The following MAGI1 variants were observed in gnomAD, a reference collection of about 807,000 sequenced individuals.
MAGI1 encodes membrane associated guanylate kinase, WW and PDZ domain containing 1, also known as membrane-associated guanylate kinase, WW and PDZ domain-containing protein 1.
A neutral mutation model predicts 139.9 loss-of-function variants in MAGI1; 58 were observed. The observed-to-expected ratio is 0.41, with a 90% confidence interval of 0.34 to 0.52. The LOEUF is 0.52. Ranked by LOEUF, MAGI1 falls within the 20% of genes least tolerant of loss-of-function variation. The pLI is 0.12. For synonymous variants in MAGI1, 812 were observed against 737.9 expected (o/e 1.10, Z -1.63); for missense variants, 1,874 against 1,901.6 (o/e 0.99, Z 0.27).
chr3:65,935,466 G>A (rs190056833), intron 1 of MAGI1, among the ~76,000 whole-genome samples: 27 of 152,190 alleles, frequency 1.8e-4, no homozygotes, highest in Non-Finnish European at 3.5e-4. Flanking sequence ...CAAAAAAAAT[G>A]TTTTAATTAG....
chr3:65,947,306 G>A (rs1483839859), intron 1 of MAGI1, among the ~76,000 whole-genome samples: 1 of 151,972 alleles, frequency 6.6e-6, no homozygotes. Flanking sequence ...TAGTAATTCT[G>A]GGATTAGAAT....
At chr3:65,537,878 G>A (rs1362589124) in intron 2 of MAGI1, among the ~76,000 whole-genome samples, 1 of 152,106 alleles carries the variant, frequency 6.6e-6, no homozygotes, top group African/African-American at 2.4e-5. Context: ...AACACTTTGA[G>A]AGGCCAAGGC....
chr3:65,930,804 C>T (rs2062772141), intron 1 of MAGI1, among the ~76,000 whole-genome samples: 1 of 152,132 alleles, frequency 6.6e-6, no homozygotes, highest in Admixed American at 6.5e-5. Flanking sequence ...GACACTCCCA[C>T]CAGTGTCCTG....
intron 1 of MAGI1, among the ~76,000 whole-genome samples, chr3:65,975,784 G>A (rs901643050): frequency 1.4e-4 from 21 of 152,260 alleles, no homozygotes; most frequent in Admixed American, 1.3e-3. Context: ...ATAACTGACA[G>A]CTGTTGACTC....
At chr3:65,687,877 G>A (rs767493930) in intron 1 of MAGI1, 19 of 630,178 alleles carry the variant, frequency 3.0e-5, no homozygotes, top group Non-Finnish European at 4.7e-5. Flanking sequence ...CCAGAACTCC[G>A]TTTGGATATC....
intron 1 of MAGI1, among the ~76,000 whole-genome samples, chr3:65,882,049 G>A (rs1048192032): frequency 2.6e-5 from 4 of 152,236 alleles, no homozygotes; most frequent in African/African-American, 7.2e-5. Context: ...CCAACAGGGA[G>A]AAATGCATTA....
At chr3:65,591,155 T>C (rs2081949038) in intron 2 of MAGI1, among the ~76,000 whole-genome samples, 1 of 152,252 alleles carries the variant, frequency 6.6e-6, no homozygotes, top group African/African-American at 2.4e-5. Context: ...CTCCACCATC[T>C]ACAACCACTG....
intron 1 of MAGI1, among the ~76,000 whole-genome samples, chr3:66,004,390 A>C (rs2066907107): frequency 6.6e-6 from 1 of 152,126 alleles, no homozygotes; most frequent in East Asian, 1.9e-4. Flanking sequence ...AAACACCTAC[A>C]CGTGGCCTCT....
intron 1 of MAGI1, among the ~76,000 whole-genome samples, chr3:65,827,300 G>A (rs112751707): frequency 0.041 from 6,215 of 152,128 alleles, 178 homozygotes; most frequent in Non-Finnish European, 0.066. Context: ...GCCAAATTGG[G>A]AAGTAAGACA....
intron 1 of MAGI1, among the ~76,000 whole-genome samples, chr3:65,980,430 G>A (rs2065508071): frequency 6.6e-6 from 1 of 152,004 alleles, no homozygotes; most frequent in Admixed American, 6.6e-5. Context: ...ACACATGGTG[G>A]TGCACGCCTA....
intron 12 of MAGI1, among the ~76,000 whole-genome samples, chr3:65,429,091 G>C (rs539284853): frequency 3.3e-5 from 5 of 152,130 alleles, no homozygotes; most frequent in South Asian, 4.2e-4. Flanking sequence ...CCAAGTTCAG[G>C]AGATTTAAAG....
intron 1 of MAGI1, among the ~76,000 whole-genome samples, chr3:65,923,372 C>T (rs537286567): frequency 4.6e-5 from 7 of 151,936 alleles, no homozygotes; most frequent in East Asian, 1.9e-4. Flanking sequence ...ACTACAGGCG[C>T]GCACCACCAC....
intron 1 of MAGI1, among the ~76,000 whole-genome samples, chr3:65,657,050 A>G (rs2085919984): frequency 6.6e-6 from 1 of 151,652 alleles, no homozygotes; most frequent in Non-Finnish European, 1.5e-5. Context: ...TAACAATATC[A>G]TTGGCTAATA....
At chr3:65,779,057 T>A (rs936255472) in intron 1 of MAGI1, among the ~76,000 whole-genome samples, 1 of 152,226 alleles carries the variant, frequency 6.6e-6, no homozygotes, top group African/African-American at 2.4e-5. Context: ...ATGTCACCAG[T>A]GCATAGGAAA....
At chr3:65,514,394 T>G (rs2077752926) in intron 2 of MAGI1, among the ~76,000 whole-genome samples, 2 of 80,042 alleles carry the variant, frequency 2.5e-5, no homozygotes, top group South Asian at 6.3e-4. Flanking sequence ...GGAGAAAATT[T>G]TTGCAACCTA....
chr3:65,796,050 C>CAAAAAAAAAAA (rs35663778), intron 1 of MAGI1, among the ~76,000 whole-genome samples: 11 of 102,986 alleles, frequency 1.1e-4, no homozygotes, highest in East Asian at 5.2e-4. Flanking sequence ...GACTCTGTCT[C>CAAAAAAAAAAA]AAAAAAAAAA....
At chr3:65,927,391 C>T (rs570844970) in intron 1 of MAGI1, among the ~76,000 whole-genome samples, 7 of 152,266 alleles carry the variant, frequency 4.6e-5, no homozygotes, top group Admixed American at 2.0e-4. Flanking sequence ...CACATAATCA[C>T]GCCCACTGAA....
chr3:65,437,935 G>A (rs1947964082), intron 9 of MAGI1, among the ~76,000 whole-genome samples: 1 of 152,172 alleles, frequency 6.6e-6, no homozygotes, highest in Non-Finnish European at 1.5e-5. Flanking sequence ...TGATAAGGAT[G>A]TAGAGAAAAG....
intron 2 of MAGI1, among the ~76,000 whole-genome samples, chr3:65,506,306 A>G (rs2077286228): frequency 1.3e-5 from 2 of 152,192 alleles, no homozygotes; most frequent in African/African-American, 4.8e-5. Context: ...CCTGGTCATA[A>G]TATGCATTAA....
Sources: allele counts gnomAD v4.1 joint callset (sites outside exome capture counted in the v4.1 genomes callset), GRCh38; gene constraint gnomAD v4.1.1; transcripts MANE v1.5; gene names NCBI Gene and HGNC (gene_info 2026-07-23, HGNC 2026-07-21).